RAI14: variants seen among roughly 807,000 people sequenced by gnomAD.
The protein encoded by RAI14 is ankycorbin.
A neutral mutation model predicts 115.4 loss-of-function variants in RAI14; 45 were observed. The ratio of observed to expected loss-of-function variants is 0.39; its 90% CI spans 0.31 to 0.50. RAI14 has a LOEUF of 0.50. Among genes scored for constraint, RAI14 ranks in the 20% least tolerant of loss-of-function variants. The probability of loss-of-function intolerance (pLI) is 0.85; values close to 1 mark genes in which losing one functional copy is unlikely to be tolerated. For synonymous variants in RAI14, 371 were observed against 415.4 expected, an observed-to-expected ratio of 0.89 and a Z score of 1.30; for missense variants, 939 against 1,131.2, an observed-to-expected ratio of 0.83 and a Z score of 2.44.
chr5:34,698,068 C>T (rs536860735), intron 2 of RAI14, among the ~76,000 whole-genome samples: 23 of 88,052 alleles, frequency 2.6e-4, no homozygotes, highest in African/African-American at 1.0e-3. Context: ...TCCCCTTTCT[C>T]CCTCCCTTTC....
At chr5:34,788,585 G>A (rs113139460) in intron 3 of RAI14, among the ~76,000 whole-genome samples, 49 of 152,222 alleles carry the variant, frequency 3.2e-4, no homozygotes, top group Middle Eastern at 6.8e-3. Flanking sequence ...TATAGAAGTA[G>A]CAGTACTTGT....
At chr5:34,801,876 G>T (rs181297210) in intron 4 of RAI14, among the ~76,000 whole-genome samples, 1 of 152,076 alleles carries the variant, frequency 6.6e-6, no homozygotes. Context: ...TTTGAGACTA[G>T]CCTGGGCAAC....
At chr5:34,696,984 A>G (rs1739327563) in intron 2 of RAI14, among the ~76,000 whole-genome samples, 1 of 151,836 alleles carries the variant, frequency 6.6e-6, no homozygotes, top group African/African-American at 2.4e-5. Flanking sequence ...TACAAAAATT[A>G]GCCAGGCATG....
chr5:34,777,394 T>G (rs1750999606), intron 3 of RAI14, among the ~76,000 whole-genome samples: 1 of 152,152 alleles, frequency 6.6e-6, no homozygotes, highest in Admixed American at 6.5e-5. Context: ...CTGTGGGTTA[T>G]TATGTTAAGT....
At chr5:34,794,245 A>C (rs1361837651) in intron 3 of RAI14, among the ~76,000 whole-genome samples, 1 of 152,176 alleles carries the variant, frequency 6.6e-6, no homozygotes, top group Non-Finnish European at 1.5e-5. Context: ...TAACATGGTG[A>C]AACCCCGTCT....
intron 16 of RAI14, among the ~76,000 whole-genome samples, chr5:34,828,540 T>G (rs1341196107): frequency 6.6e-6 from 1 of 152,232 alleles, no homozygotes; most frequent in East Asian, 1.9e-4. Context: ...GGACGGGTTT[T>G]AAAATGTCCC....
At chr5:34,797,291 A>T (rs1753652153) in intron 4 of RAI14, among the ~76,000 whole-genome samples, 1 of 152,158 alleles carries the variant, frequency 6.6e-6, no homozygotes, top group Non-Finnish European at 1.5e-5. Context: ...GCCTCTTCAG[A>T]CTAGTCATCT....
intron 1 of RAI14, among the ~76,000 whole-genome samples, chr5:34,664,288 A>G (rs184480595): frequency 6.6e-6 from 1 of 151,922 alleles, no homozygotes; most frequent in Non-Finnish European, 1.5e-5. Context: ...TCAGGAGTTC[A>G]AGACCAGTCT....
At chr5:34,717,220 C>CA (rs1742111724) in intron 2 of RAI14, among the ~76,000 whole-genome samples, 1 of 151,978 alleles carries the variant, frequency 6.6e-6, no homozygotes, top group Admixed American at 6.5e-5. Flanking sequence ...AGAGTTACCG[C>CA]AAAAAAGTCT....
At chr5:34,751,297 G>T (rs1371092876) in intron 2 of RAI14, among the ~76,000 whole-genome samples, 1 of 150,966 alleles carries the variant, frequency 6.6e-6, no homozygotes, top group Non-Finnish European at 1.5e-5. Context: ...TGCCCGCCAT[G>T]CCTGGCTAAT....
intron 2 of RAI14, among the ~76,000 whole-genome samples, chr5:34,742,350 A>C (rs192852771): frequency 1.4e-3 from 216 of 152,320 alleles, no homozygotes; most frequent in African/African-American, 5.0e-3. Flanking sequence ...GGCGTGGTTA[A>C]TATCAAGCCA....
chr5:34,659,977 A>C (rs1742568726), intron 1 of RAI14, among the ~76,000 whole-genome samples: 1 of 152,102 alleles, frequency 6.6e-6, no homozygotes, highest in Non-Finnish European at 1.5e-5. Context: ...CAGGAGTTCA[A>C]AACTAGCCTG....
intron 1 of RAI14, among the ~76,000 whole-genome samples, chr5:34,667,620 G>T (rs192581364): frequency 3.3e-5 from 5 of 152,142 alleles, no homozygotes; most frequent in African/African-American, 1.2e-4. Flanking sequence ...GCCAATAACG[G>T]TATATTTACC....
chr5:34,830,612 C>A, intron 17 of RAI14, 76 bp from the exon 18 acceptor site: 1 of 1,601,382 alleles, frequency 6.2e-7, no homozygotes, highest in South Asian at 1.1e-5. Context: ...TGCAGTCAGC[C>A]ATCTCATTCC....
intron 2 of RAI14, among the ~76,000 whole-genome samples, chr5:34,736,199 G>A (rs551221682): frequency 1.1e-4 from 17 of 152,242 alleles, no homozygotes; most frequent in African/African-American, 3.6e-4. Context: ...TCAGGAATTC[G>A]ACACCAGGCT....
chr5:34,708,390 C>T (rs1310354899), intron 2 of RAI14, among the ~76,000 whole-genome samples: 2 of 151,974 alleles, frequency 1.3e-5, no homozygotes, highest in African/African-American at 2.4e-5. Context: ...TTAGTAGAGA[C>T]AGGGTTTCTC....
intron 11 of RAI14, among the ~76,000 whole-genome samples, chr5:34,814,245 C>A (rs1414352296): frequency 6.6e-6 from 1 of 152,052 alleles, no homozygotes; most frequent in Non-Finnish European, 1.5e-5. Flanking sequence ...AGAGAATAAT[C>A]CATATTTAAA....
intron 3 of RAI14, among the ~76,000 whole-genome samples, chr5:34,771,113 G>A (rs1223853692): frequency 6.6e-6 from 1 of 152,154 alleles, no homozygotes; most frequent in Middle Eastern, 3.2e-3. Flanking sequence ...GTATTAGGGA[G>A]AAAATACCCT....
In RAI14 at chr5:34,832,055, T is replaced by G. The variant is rs535879521; in HGVS notation, c.*1290T>G. On this transcript the variant is annotated 3_prime_UTR_variant, in exon 18 of 18. Coordinates refer to ENST00000265109, the MANE Select transcript of RAI14 (RefSeq NM_015577.3). ...ATTTCTGTTCACTTTACTTTCAGGT[T>G]AAAAATGTTTCTAACACGCTTGCAA... The G allele has an allele frequency of 9.3e-4, 142 of 152,354 alleles. No individual in the cohort carries two copies. The highest frequency in any genetic ancestry group is 3.4e-3 in the African/African-American group (140 of 41,578). The allele number at this position is 152,354 out of a possible 1,614,324, so 9.4% of individuals were successfully genotyped here. A position where few individuals can be genotyped will look rare whatever the true frequency, so the allele number is the denominator to read the frequency against.
Sources: allele counts gnomAD v4.1 joint callset (sites outside exome capture counted in the v4.1 genomes callset), GRCh38; gene constraint gnomAD v4.1.1; transcripts MANE v1.5; gene names NCBI Gene and HGNC (gene_info 2026-07-23, HGNC 2026-07-21).